The following AATF variants were observed in gnomAD, a reference collection of about 807,000 sequenced individuals.
AATF encodes the protein protein AATF.
Under a neutral mutation model 63.7 loss-of-function variants are expected in AATF, and 48 were observed. That is an observed-to-expected ratio of 0.75 (90% confidence interval 0.60 to 0.96). The LOEUF (loss-of-function observed/expected upper bound fraction) is 0.96. Ranked by LOEUF, AATF falls within the 40% of genes least tolerant of loss-of-function variation. The pLI is 0.00. For missense variants in AATF, 639 were observed against 685.7 expected, an observed-to-expected ratio of 0.93 and a Z score of 0.76; for synonymous variants, 258 against 247.7, an observed-to-expected ratio of 1.04 and a Z score of -0.39.
intron 4 of AATF, among the ~76,000 whole-genome samples, chr17:36,981,632 T>C (rs1411045618): frequency 2.0e-5 from 3 of 151,588 alleles, no homozygotes; most frequent in Admixed American, 6.6e-5. Context: ...TCTTTCTTCT[T>C]TCTTTTTTCT....
chr17:37,016,726 G>A, intron 8 of AATF, among the ~76,000 whole-genome samples: 1 of 148,560 alleles, frequency 6.7e-6, no homozygotes, highest in East Asian at 1.9e-4. Flanking sequence ...TTTTTTTTTA[G>A]CAACTGTTTT....
intron 11 of AATF, among the ~76,000 whole-genome samples, chr17:37,037,659 T>G (rs759965169): frequency 5.9e-5 from 9 of 152,170 alleles, no homozygotes; most frequent in Non-Finnish European, 1.0e-4. Flanking sequence ...CATAAATAAG[T>G]ACACATATAA....
chr17:36,997,142 A>G (rs1475333015), intron 8 of AATF, among the ~76,000 whole-genome samples: 1 of 152,216 alleles, frequency 6.6e-6, no homozygotes, highest in Admixed American at 6.6e-5. Context: ...AGTAGCCTCA[A>G]GTATAGAGTT....
Position 36,953,128 on chromosome 17 carries a change from G to T in AATF, c.526G>T (p.Glu176Ter). Residue 176 changes from glutamate (E) to a stop codon, truncating the protein, a stop_gained, in exon 3 of 12, where the codon GAA (glutamate) becomes TAA (stop). Transcript: ENST00000619387. LOFTEE classifies it high-confidence loss of function. ...DLGSSEEEED[E>*]ESGMEEGDDA... ...TGGGAGCAGTGAGGAGGAGGAAGACGAAGAGAGTGGCATGGAAGAAGGGGA... is the reference window on the plus strand; with the variant it reads ...TGGGAGCAGTGAGGAGGAGGAAGACTAAGAGAGTGGCATGGAAGAAGGGGA... 1 of 1,614,160 alleles carries T rather than the reference G, an allele frequency of 6.2e-7. No homozygotes were observed. The highest frequency in any genetic ancestry group is 8.5e-7 in the Non-Finnish European group (1 of 1,180,020).
At chr17:37,055,323 G>GT (rs1455206330) in intron 11 of AATF, 2 of 152,110 alleles carry the variant, frequency 1.3e-5, no homozygotes, top group Non-Finnish European at 2.9e-5. Flanking sequence ...TCCTTAAGAT[G>GT]TTTTTCTTTT....
chr17:36,965,773 C>T (rs1437184760), intron 4 of AATF, among the ~76,000 whole-genome samples: 3 of 152,176 alleles, frequency 2.0e-5, no homozygotes, highest in Non-Finnish European at 4.4e-5. Flanking sequence ...GCAATCATGG[C>T]TCACTGCAGC....
At chr17:36,988,784 G>C (rs1285782530) in intron 6 of AATF, 64 bp downstream of exon 6, 1 of 1,502,096 alleles carries the variant, frequency 6.7e-7, no homozygotes, top group Admixed American at 1.9e-5. Context: ...GAAGTTTTAA[G>C]AAATTGGAAC....
At position 36,953,622 on chromosome 17, in the gene AATF, A is replaced by G. The variant is rs553552992; in HGVS notation, c.695-148A>G. On this transcript the variant is annotated intron_variant, in intron 3 of 11. Transcript: ENST00000619387. ...CATGGATACTGAATTTATTTTCTCT[A>G]ATAGAGAATATTTGTTTCCATGGCA... 1.0e-4 allele frequency: 80 copies of G among 799,546 alleles called. No homozygotes were observed. In the African/African-American group the frequency reaches 1.2e-3, roughly 12 times the overall value. The allele number at this position is 799,546 out of a possible 1,614,324, so 49.5% of individuals were successfully genotyped here.
intron 4 of AATF, among the ~76,000 whole-genome samples, chr17:36,961,552 A>G (rs2070947244): frequency 6.6e-6 from 1 of 152,120 alleles, no homozygotes; most frequent in South Asian, 2.1e-4. Context: ...AGTTCATCTC[A>G]ATTGGGACTA....
At chr17:37,043,616 G>A (rs181724269) in intron 11 of AATF, among the ~76,000 whole-genome samples, 8 of 152,220 alleles carry the variant, frequency 5.3e-5, no homozygotes, top group East Asian at 1.9e-4. Flanking sequence ...TGGTATTATC[G>A]AGATTTTATG....
At chr17:36,969,641 G>T (rs117049006) in intron 4 of AATF, among the ~76,000 whole-genome samples, 2,170 of 152,208 alleles carry the variant, frequency 0.014, 30 homozygotes, top group Non-Finnish European at 0.024. Context: ...TTGTCCATTT[G>T]CTTTTTCAAA....
chr17:36,980,702 T>C (rs1034058917), intron 4 of AATF, among the ~76,000 whole-genome samples: 1 of 152,158 alleles, frequency 6.6e-6, no homozygotes, highest in Non-Finnish European at 1.5e-5. Context: ...AGAGAGTCTT[T>C]CCCTCACTCT....
chr17:36,986,231 G>A (rs772890999), intron 4 of AATF, among the ~76,000 whole-genome samples: 4 of 152,222 alleles, frequency 2.6e-5, no homozygotes, highest in Non-Finnish European at 5.9e-5. Context: ...AGTCCAGGAG[G>A]TCAGCAGGTA....
At chr17:36,961,592 G>A (rs2070947562) in intron 4 of AATF, among the ~76,000 whole-genome samples, 1 of 152,052 alleles carries the variant, frequency 6.6e-6, no homozygotes, top group African/African-American at 2.4e-5. Context: ...GTAGCCACGT[G>A]TAGCTAGTGG....
chr17:37,027,276 TTAA>T (rs759946777), intron 10 of AATF, among the ~76,000 whole-genome samples: 1 of 152,220 alleles, frequency 6.6e-6, no homozygotes, highest in Non-Finnish European at 1.5e-5. Context: ...TCCCAAGCCT[TTAA>T]TAATATGACG....
chr17:36,952,146 C>T (rs1040930285), intron 2 of AATF, among the ~76,000 whole-genome samples: 21 of 152,348 alleles, frequency 1.4e-4, no homozygotes, highest in African/African-American at 4.3e-4. Context: ...CACTCCAGTG[C>T]GTTTTCCCTT....
intron 4 of AATF, among the ~76,000 whole-genome samples, chr17:36,968,165 C>G (rs1469232369): frequency 6.6e-6 from 1 of 151,080 alleles, no homozygotes; most frequent in African/African-American, 2.4e-5. Flanking sequence ...ATCCCTCCCT[C>G]TCTCTTCTAA....
At chr17:36,974,337 A>G (rs1165030669) in intron 4 of AATF, among the ~76,000 whole-genome samples, 1 of 152,170 alleles carries the variant, frequency 6.6e-6, no homozygotes, top group Non-Finnish European at 1.5e-5. Flanking sequence ...ATTATTTTTA[A>G]TGATAGCATA....
chr17:36,987,275 G>A (rs2071176877), intron 5 of AATF, among the ~76,000 whole-genome samples: 1 of 151,714 alleles, frequency 6.6e-6, no homozygotes, highest in Non-Finnish European at 1.5e-5. Context: ...ATAAGCATGG[G>A]CCACTTCACC....
Sources: allele counts gnomAD v4.1 joint callset (sites outside exome capture counted in the v4.1 genomes callset), GRCh38; gene constraint gnomAD v4.1.1; transcripts MANE v1.5; gene names NCBI Gene and HGNC (gene_info 2026-07-23, HGNC 2026-07-21).